RGS7: variants seen among roughly 807,000 people sequenced by gnomAD.
RGS7 encodes regulator of G protein signaling 7, also known as regulator of G-protein signaling 7.
A neutral mutation model predicts 81.1 loss-of-function variants in RGS7; 27 were observed. That is an observed-to-expected ratio of 0.33 (90% CI 0.25 to 0.46). RGS7 has a LOEUF of 0.46. Ranked by LOEUF, RGS7 falls within the 20% of genes least tolerant of loss-of-function variation. The probability of loss-of-function intolerance (pLI) is 1.00; values close to 1 mark genes in which losing one functional copy is unlikely to be tolerated. For synonymous variants in RGS7, 208 were observed against 207.7 expected (o/e 1.00, Z -0.01); for missense variants, 396 against 607.4 (o/e 0.65, Z 3.66).
At chr1:240,813,529 C>T (rs1690262210) in intron 13 of RGS7, 89 bp downstream of exon 13, 2 of 798,832 alleles carry the variant, frequency 2.5e-6, no homozygotes, top group Non-Finnish European at 4.4e-6. Context: ...AAATTACATT[C>T]ACAATTAGCC....
At chr1:241,114,522 C>G (rs2065760074) in intron 2 of RGS7, among the ~76,000 whole-genome samples, 1 of 152,070 alleles carries the variant, frequency 6.6e-6, no homozygotes, top group Non-Finnish European at 1.5e-5. Context: ...GTACATCTCA[C>G]TGCATTCCCA....
At chr1:240,881,753 AT>A (rs1021290720) in intron 6 of RGS7, among the ~76,000 whole-genome samples, 7 of 152,236 alleles carry the variant, frequency 4.6e-5, no homozygotes, top group Non-Finnish European at 1.0e-4. Flanking sequence ...ATATTATAAA[AT>A]TTGTTTTTAA....
At chr1:240,896,348 A>AGT (rs1224935172) in intron 6 of RGS7, among the ~76,000 whole-genome samples, 1 of 152,162 alleles carries the variant, frequency 6.6e-6, no homozygotes, top group Non-Finnish European at 1.5e-5. Flanking sequence ...TTAGACATGA[A>AGT]GTCCTCGCCC....
At chr1:241,061,564 A>C (rs984519408) in intron 3 of RGS7, among the ~76,000 whole-genome samples, 1 of 152,196 alleles carries the variant, frequency 6.6e-6, no homozygotes, top group Admixed American at 6.5e-5. Flanking sequence ...ATCTATTCCT[A>C]ATAAGTGCTA....
chr1:241,236,598 C>G (rs1285176173), intron 2 of RGS7, among the ~76,000 whole-genome samples: 1 of 152,062 alleles, frequency 6.6e-6, no homozygotes, highest in East Asian at 1.9e-4. Flanking sequence ...TGCCTCGAAA[C>G]CACAAGCTAA....
In RGS7 at chr1:241,177,184, T is replaced by C. The variant is rs74150235; in HGVS notation, c.79-78422A>G. Reference sequence around the variant, plus strand: ...TCTGTGAAAGTAAAATCAGATCAGGTCATAAAGTAACAGAGCAGTAGGCTA... The same window carrying C: ...TCTGTGAAAGTAAAATCAGATCAGGCCATAAAGTAACAGAGCAGTAGGCTA... On this transcript the variant is annotated intron_variant, in intron 2 of 18. Coordinates refer to ENST00000440928, the MANE Select transcript of RGS7 (RefSeq NM_001364886.1). 1.3e-3 allele frequency among the ~76,000 whole-genome samples: 204 copies of C among 152,110 alleles called. 1 individual carries two copies. Among genetic ancestry groups the C allele is most frequent in the African/African-American group, 4.8e-3 (198 of 41,500 alleles).
chr1:240,855,791 A>G (rs1181990496), intron 9 of RGS7, among the ~76,000 whole-genome samples: 2 of 152,194 alleles, frequency 1.3e-5, no homozygotes, highest in South Asian at 2.1e-4. Flanking sequence ...TAATTTTTAT[A>G]CAGATAATAC....
At chr1:241,050,200 C>T (rs1053217509) in intron 3 of RGS7, among the ~76,000 whole-genome samples, 1 of 152,128 alleles carries the variant, frequency 6.6e-6, no homozygotes, top group African/African-American at 2.4e-5. Flanking sequence ...GTTTTTTATC[C>T]TGAAGATAGA....
intron 3 of RGS7, among the ~76,000 whole-genome samples, chr1:241,062,481 G>A (rs138783502): frequency 6.6e-6 from 1 of 152,130 alleles, no homozygotes; most frequent in Non-Finnish European, 1.5e-5. Context: ...AGGTAAGAGA[G>A]ACTCAAATTA....
chr1:240,810,038 T>C (rs920452879), intron 14 of RGS7, among the ~76,000 whole-genome samples: 5 of 152,184 alleles, frequency 3.3e-5, no homozygotes, highest in African/African-American at 9.6e-5. Flanking sequence ...ATGCACATGC[T>C]ATCCTCTTTT....
chr1:241,065,151 T>C (rs2061985668), intron 3 of RGS7, among the ~76,000 whole-genome samples: 2 of 151,490 alleles, frequency 1.3e-5, no homozygotes, highest in East Asian at 3.9e-4. Context: ...AGCTATAAAA[T>C]GGGGACAATA....
intron 3 of RGS7, among the ~76,000 whole-genome samples, chr1:241,000,376 T>C (rs1372948121): frequency 1.3e-5 from 2 of 152,220 alleles, no homozygotes; most frequent in African/African-American, 4.8e-5. Flanking sequence ...TTTAGGGATA[T>C]ATTCATGTGT....
At chr1:241,266,926 A>G (rs1165924475) in intron 2 of RGS7, among the ~76,000 whole-genome samples, 1 of 152,210 alleles carries the variant, frequency 6.6e-6, no homozygotes, top group Non-Finnish European at 1.5e-5. Context: ...TACAAGACCA[A>G]TCCTATAATT....
At chr1:241,290,109 C>T (rs2079014524) in intron 2 of RGS7, among the ~76,000 whole-genome samples, 1 of 152,062 alleles carries the variant, frequency 6.6e-6, no homozygotes, top group Admixed American at 6.5e-5. Context: ...CCTTTAAATT[C>T]AAATGTCATG....
intron 3 of RGS7, among the ~76,000 whole-genome samples, chr1:241,094,767 T>C (rs2064133363): frequency 2.0e-5 from 3 of 152,246 alleles, no homozygotes; most frequent in Admixed American, 2.0e-4. Context: ...GGATTGCAGA[T>C]GTTGCAGGGG....
chr1:240,822,273 G>A (rs1362238594), intron 10 of RGS7, among the ~76,000 whole-genome samples: 1 of 152,054 alleles, frequency 6.6e-6, no homozygotes, highest in African/African-American at 2.4e-5. Context: ...TCTTAAAAAA[G>A]AAGCGCTGTC....
intron 2 of RGS7, among the ~76,000 whole-genome samples, chr1:241,174,248 T>A (rs1481529025): frequency 6.6e-6 from 1 of 152,178 alleles, no homozygotes; most frequent in East Asian, 1.9e-4. Context: ...GGTCCCAGGT[T>A]GAAAAAATTA....
At chr1:241,180,625 G>A (rs2071540269) in intron 2 of RGS7, among the ~76,000 whole-genome samples, 1 of 152,136 alleles carries the variant, frequency 6.6e-6, no homozygotes, top group East Asian at 1.9e-4. Context: ...TCCAAACAGA[G>A]AATACATTTT....
chr1:240,860,450 G>A (rs1260344879), intron 9 of RGS7, among the ~76,000 whole-genome samples: 1 of 152,030 alleles, frequency 6.6e-6, no homozygotes, highest in African/African-American at 2.4e-5. Context: ...TTATCATTAT[G>A]TAATATTCCT....
Sources: allele counts gnomAD v4.1 joint callset (sites outside exome capture counted in the v4.1 genomes callset), GRCh38; gene constraint gnomAD v4.1.1; transcripts MANE v1.5; gene names NCBI Gene and HGNC (gene_info 2026-07-23, HGNC 2026-07-21).